Variants in COL7A1 observed in about 807,000 individuals in gnomAD.
COL7A1 encodes the protein collagen alpha-1(VII) chain.
In COL7A1, 296 loss-of-function variants were observed where a neutral mutation model predicts 456.2. That is an observed-to-expected ratio of 0.65 (90% CI 0.59 to 0.71). COL7A1 has a LOEUF of 0.71. Ranked by LOEUF, COL7A1 falls within the 30% of genes least tolerant of loss-of-function variation. COL7A1 has a pLI of 0.00. For synonymous variants in COL7A1, 1,464 were observed against 1,525.9 expected, an observed-to-expected ratio of 0.96 and a Z score of 0.95; for missense variants, 3,441 against 4,017.2, an observed-to-expected ratio of 0.86 and a Z score of 3.88.
rs1212169229 is a variant in COL7A1, at chr3:48,582,356, C to T, written c.4602G>A (p.Gly1534=). 17 of 1,613,900 alleles carry T rather than the reference C, an allele frequency of 1.1e-5. No individual in the cohort carries two copies. The highest frequency in any genetic ancestry group is 1.4e-5 in the Non-Finnish European group (17 of 1,180,000). ...PGPTGRQGEK[G]EPGRPGDPAV... is the part of the protein sequence containing the mutation. ...CAGGGTCCCCAGGGCGACCAGGCTCCCCCTGTGGAGAGAGGATAGGAGCAG... is the reference window on the plus strand; with the variant it reads ...CAGGGTCCCCAGGGCGACCAGGCTCTCCCTGTGGAGAGAGGATAGGAGCAG... The change falls in exon 47 of 119, where the codon GGG becomes GGA. Residue 1534 remains glycine, a splice_region_variant and synonymous_variant. Coordinates refer to ENST00000681320, the MANE Select transcript of COL7A1 (RefSeq NM_000094.4).
In COL7A1 at chr3:48,583,422, G is replaced by A. The variant is rs769297158; in HGVS notation, c.4408C>T (p.Arg1470Trp). Residue 1470 changes from arginine to tryptophan, a missense_variant, in exon 42 of 119, where the codon CGG becomes TGG. Physicochemically the swap from Arg to Trp is moderately radical, Grantham distance 101 (BLOSUM62 -3). Coordinates refer to ENST00000681320, the MANE Select transcript of COL7A1 (RefSeq NM_000094.4). The surrounding 1 kb of genome is among the most constrained non-coding windows in gnomAD (Gnocchi z 5.1). ...QPGSPGEQGP[R>W]GPPGAIGPKG... ...GGGCCAATAGCTCCAGGAGGTCCCCGTGGGCCCTGGAAGGGATGAATTTGG... is the reference window on the plus strand; with the variant it reads ...GGGCCAATAGCTCCAGGAGGTCCCCATGGGCCCTGGAAGGGATGAATTTGG... The A allele has an allele frequency of 2.2e-5, 36 of 1,614,044 alleles. No homozygotes were observed. Among genetic ancestry groups the A allele is most frequent in the Middle Eastern group, 1.6e-4 (1 of 6,084 alleles).
rs1243452334 is a variant in COL7A1, at chr3:48,570,524, G to C, written c.7345-24C>G. On this transcript the variant is annotated intron_variant, in intron 96 of 118. Transcript: ENST00000681320. The surrounding 1 kb of genome is among the most constrained non-coding windows in gnomAD (Gnocchi z 5.5). ...CCCTGTAGGTCAGAGTGAGGTGAGG[G>C]TCCTGTGGCTCTCAAAGCGCCTCCC... 1.9e-6 allele frequency: 3 copies of C among 1,613,874 alleles called. No individual in the cohort carries two copies. The highest frequency in any genetic ancestry group is 2.5e-6 in the Non-Finnish European group (3 of 1,179,966).
In COL7A1 at chr3:48,568,921, G is replaced by A. The variant is rs534386622; in HGVS notation, c.7687-66C>T. The stretch of plus-strand genomic sequence containing the variant: ...TCAGGCTGGGGGCTTAGAATACAAC[G>A]AGCCCGCCAGCTGGGGCAGAGCTCA... On this transcript the variant is annotated intron_variant, in intron 103 of 118. Transcript: ENST00000681320. The surrounding 1 kb of genome is among the most constrained non-coding windows in gnomAD (Gnocchi z 5.2). 7 of 1,467,208 alleles carry A rather than the reference G, an allele frequency of 4.8e-6. No homozygotes were observed. Among genetic ancestry groups the A allele is most frequent in the South Asian group, 3.6e-5 (3 of 82,520 alleles). 90.9% of individuals were successfully genotyped at this position (1,467,208 alleles called of 1,614,324 possible). A position where few individuals can be genotyped will look rare whatever the true frequency, so the allele number is the denominator to read the frequency against.
Position 48,583,691 on chromosome 3 carries a change from G to C in COL7A1, c.4341+27C>G. 6.2e-7 allele frequency: 1 copy of C among 1,613,936 alleles called. No individual in the cohort carries two copies. Among genetic ancestry groups the C allele is most frequent in the Non-Finnish European group, 8.5e-7 (1 of 1,179,916 alleles). ...GCACGCAGCCTCCCACCCCAGAACT[G>C]GGACATCATCAAGTCAGCCTTCCTA... On this transcript the variant is annotated intron_variant, in intron 40 of 118. Transcript: ENST00000681320. This position sits in a 1 kb window ranked among gnomAD's most constrained non-coding sequence, Gnocchi z 5.1.
rs921966395 is a variant in COL7A1, at chr3:48,565,785, G to A, written c.8408-117C>T. On this transcript the variant is annotated intron_variant, in intron 114 of 118. Transcript: ENST00000681320. This position sits in a 1 kb window ranked among gnomAD's most constrained non-coding sequence, Gnocchi z 4.5. ...AGATACACAAAGAGATAGCAGGAGA[G>A]GGTAACAGGAGAGAGAGGAAGAGAG... 5 of 975,010 alleles carry A rather than the reference G, an allele frequency of 5.1e-6. No homozygotes were observed. Among genetic ancestry groups the A allele is most frequent in the Non-Finnish European group, 7.9e-6 (5 of 634,564 alleles). The allele number at this position is 975,010 out of a possible 1,614,324, so 60.4% of individuals were successfully genotyped here.
At position 48,572,347 on chromosome 3, in the gene COL7A1, C is replaced by T. The variant is rs1309396789; in HGVS notation, c.6978+33G>A. ...TAGGCCACTGGAGAGACAGGACCCC[C>T]AGAACATCTGCTGTCAGAAGTTCCC... On this transcript the variant is annotated intron_variant, in intron 90 of 118. Transcript: ENST00000681320. The surrounding 1 kb of genome is among the most constrained non-coding windows in gnomAD (Gnocchi z 4.6). The T allele has an allele frequency of 2.5e-6, 4 of 1,614,156 alleles. No homozygotes were observed. The Admixed American group carries it at 5.0e-5, about 20-fold the overall frequency.
Position 48,572,822 on chromosome 3 carries a change from T to A in COL7A1, c.6831+40A>T. On this transcript the variant is annotated intron_variant, in intron 87 of 118. Transcript: ENST00000681320. The surrounding 1 kb of genome is among the most constrained non-coding windows in gnomAD (Gnocchi z 4.6). Reference sequence around the variant, plus strand: ...ACTCCTCATATTTCAGGCCCACAGCTGGGCACCACACCCTAGCGAGCTGCC... The same window carrying A: ...ACTCCTCATATTTCAGGCCCACAGCAGGGCACCACACCCTAGCGAGCTGCC... 1.9e-6 allele frequency: 3 copies of A among 1,613,410 alleles called. No individual in the cohort carries two copies. Among genetic ancestry groups the A allele is most frequent in the Non-Finnish European group, 2.5e-6 (3 of 1,179,476 alleles).
At position 48,578,542 on chromosome 3, in the gene COL7A1, T is replaced by C. The variant is rs778878278; in HGVS notation, c.5425-27A>G. 4 of 1,609,954 alleles carry C rather than the reference T, an allele frequency of 2.5e-6. No individual in the cohort carries two copies. The Admixed American group carries it at 5.0e-5, about 20-fold the overall frequency. ...TGGAAAAAGTCTTTGTTAAGATTTA[T>C]AGGGCCTCTGAGATATCCCTTGGGG... is the stretch of plus-strand genomic sequence containing the variant. On this transcript the variant is annotated intron_variant, in intron 63 of 118. Coordinates refer to ENST00000681320, the MANE Select transcript of COL7A1 (RefSeq NM_000094.4). The surrounding 1 kb of genome is among the most constrained non-coding windows in gnomAD (Gnocchi z 4.7).
chr3:48,588,181 T>C lies in COL7A1; in HGVS notation c.2710+101A>G. ...TGTCACGGATCCCGCAGACCCCCAG[T>C]GACAGACCCCGCCCACCATCACTGT... On this transcript the variant is annotated intron_variant, in intron 21 of 118. Coordinates refer to ENST00000681320, the MANE Select transcript of COL7A1 (RefSeq NM_000094.4). This position sits in a 1 kb window ranked among gnomAD's most constrained non-coding sequence, Gnocchi z 4.6. The C allele has an allele frequency of 6.3e-7, 1 of 1,577,218 alleles. No homozygotes were observed. The highest frequency in any genetic ancestry group is 1.1e-5 in the South Asian group (1 of 88,628).
chr3:48,574,416 A>C lies in COL7A1; in HGVS notation c.6456+72T>G. ...GACAGTCCCAGGCAGTACAGACCCCAGCCCTGCACACAGGACAATACATGT... is the reference window on the plus strand; with the variant it reads ...GACAGTCCCAGGCAGTACAGACCCCCGCCCTGCACACAGGACAATACATGT... On this transcript the variant is annotated intron_variant, in intron 79 of 118. Coordinates refer to ENST00000681320, the MANE Select transcript of COL7A1 (RefSeq NM_000094.4). This position sits in a 1 kb window ranked among gnomAD's most constrained non-coding sequence, Gnocchi z 5.0. 6.2e-7 allele frequency: 1 copy of C among 1,610,804 alleles called. No individual in the cohort carries two copies. Among genetic ancestry groups the C allele is most frequent in the Non-Finnish European group, 8.5e-7 (1 of 1,177,068 alleles).
chr3:48,576,823 A>C (rs749758724), intron 67 of COL7A1, 52 bp from the exon 68 acceptor site: 2 of 1,613,730 alleles, frequency 1.2e-6, no homozygotes, highest in African/African-American at 2.7e-5. Flanking sequence ...AAAAGAGTGG[A>C]GTCATATTCC....
intron 65 of COL7A1, among the ~76,000 whole-genome samples, chr3:48,577,626 C>A (rs559721124): frequency 1.3e-5 from 2 of 152,310 alleles, no homozygotes; most frequent in South Asian, 2.1e-4. Flanking sequence ...AACACAGGTC[C>A]ACATGCGGTC....
In COL7A1 at chr3:48,586,651, C is replaced by G. The variant is rs1436836031; in HGVS notation, c.3315G>C (p.Leu1105=). 2.5e-6 allele frequency: 4 copies of G among 1,612,276 alleles called. No homozygotes were observed. In the African/African-American group the frequency reaches 4.0e-5, roughly 16 times the overall value. ...LLSYSHRPSP[L]FPLNGSHDLG... ...GGTCATGGGAGCCATTCAGTGGGAACAGTGGGGAGGGCCGATGACTGTAAG... is the reference window on the plus strand; with the variant it reads ...GGTCATGGGAGCCATTCAGTGGGAAGAGTGGGGAGGGCCGATGACTGTAAG... The change falls in exon 26 of 119, where the codon CTG becomes CTC. Residue 1105 remains leucine (L), a synonymous_variant. Transcript: ENST00000681320. The surrounding 1 kb of genome is among the most constrained non-coding windows in gnomAD (Gnocchi z 5.1).
chr3:48,586,896 A>C lies in COL7A1; in HGVS notation c.3276+76T>G. 3 of 1,549,290 alleles carry C rather than the reference A, an allele frequency of 1.9e-6. No individual in the cohort carries two copies. Among genetic ancestry groups the C allele is most frequent in the Non-Finnish European group, 2.6e-6 (3 of 1,145,312 alleles). On this transcript the variant is annotated intron_variant, in intron 25 of 118. Transcript: ENST00000681320. The surrounding 1 kb of genome is among the most constrained non-coding windows in gnomAD (Gnocchi z 5.1). ...GAATGCCTGAACCTATTGGGTGGTC[A>C]GGAGATGGTAACTGGTATGGAGCCT...
At position 48,564,804 on chromosome 3, in the gene COL7A1, C is replaced by A. The variant is rs1310338402; in HGVS notation, c.8797G>T (p.Val2933Leu). ...ATACCTGTCCCCTGGCTCTGGACCA[C>A]CCGGGGTGGGCAGCGGCGCTCGCAG... is the stretch of plus-strand genomic sequence containing the variant. ...EACERRCPPR[V>L]VQSQGTGTAQ... Residue 2933 changes from valine to leucine, a missense_variant, in exon 118 of 119, where the codon GTG becomes TTG. This residue lies in a region of COL7A1 where 2,084 missense variants were observed against 2,501.3 expected (regional missense o/e 0.83). Transcript: ENST00000681320. The surrounding 1 kb of genome is among the most constrained non-coding windows in gnomAD (Gnocchi z 6.0). The A allele has an allele frequency of 6.2e-7, 1 of 1,613,828 alleles. No homozygotes were observed.
At position 48,568,935 on chromosome 3, in the gene COL7A1, G is replaced by C; in HGVS notation, c.7687-80C>G. On this transcript the variant is annotated intron_variant, in intron 103 of 118. Transcript: ENST00000681320. The surrounding 1 kb of genome is among the most constrained non-coding windows in gnomAD (Gnocchi z 5.2). Reference sequence around the variant, plus strand: ...TAGAATACAACGAGCCCGCCAGCTGGGGCAGAGCTCAAGTCACTCCCGAAC... The same window carrying C: ...TAGAATACAACGAGCCCGCCAGCTGCGGCAGAGCTCAAGTCACTCCCGAAC... The C allele has an allele frequency of 7.1e-7, 1 of 1,406,676 alleles. No individual in the cohort carries two copies. Among genetic ancestry groups the C allele is most frequent in the African/African-American group, 1.4e-5 (1 of 70,262 alleles). The allele number at this position is 1,406,676 out of a possible 1,614,324, so 87.1% of individuals were successfully genotyped here. A position where few individuals can be genotyped will look rare whatever the true frequency, so the allele number is the denominator to read the frequency against.
chr3:48,589,096 T>C, intron 18 of COL7A1, 101 bp from the exon 19 acceptor site: 2 of 1,592,408 alleles, frequency 1.3e-6, no homozygotes, highest in Non-Finnish European at 8.6e-7. Flanking sequence ...GAGGTTAGTG[T>C]GGACAGGTCA....
In COL7A1 at chr3:48,578,111, C is replaced by G. The variant is rs2044448322; in HGVS notation, c.5532+210G>C. Among the ~76,000 whole-genome samples the G allele has an allele frequency of 6.6e-6, 1 of 151,990 alleles. No homozygotes were observed. On this transcript the variant is annotated intron_variant, in intron 65 of 118. Coordinates refer to ENST00000681320, the MANE Select transcript of COL7A1 (RefSeq NM_000094.4). The surrounding 1 kb of genome is among the most constrained non-coding windows in gnomAD (Gnocchi z 4.7). Reference sequence around the variant, plus strand: ...CCCGAGAGTCGAAGGTTGCAGTGAGCTGAGATTGTGCCACTGCACTCCAAC... The same window carrying G: ...CCCGAGAGTCGAAGGTTGCAGTGAGGTGAGATTGTGCCACTGCACTCCAAC...
rs1274567165 is a variant in COL7A1, at chr3:48,564,817, G to A, written c.8784C>T (p.Arg2928=). ...GGCTCTGGACCACCCGGGGTGGGCA[G>A]CGGCGCTCGCAGGCCTCACGGGTCC... ...RFGTREACER[R]CPPRVVQSQG... Residue 2928 remains arginine, a synonymous_variant, in exon 118 of 119, where the codon CGC becomes CGT. Transcript: ENST00000681320. The surrounding 1 kb of genome is among the most constrained non-coding windows in gnomAD (Gnocchi z 6.0). The A allele has an allele frequency of 1.9e-6, 3 of 1,613,938 alleles. No homozygotes were observed. The highest frequency in any genetic ancestry group is 2.2e-5 in the South Asian group (2 of 91,092).
Sources: allele counts gnomAD v4.1 joint callset (sites outside exome capture counted in the v4.1 genomes callset), GRCh38; gene constraint gnomAD v4.1.1; regional missense constraint gnomAD v4.1.1; non-coding constraint Gnocchi (gnomAD v3.1); transcripts MANE v1.5; gene names NCBI Gene and HGNC (gene_info 2026-07-23, HGNC 2026-07-21).